Variants in USH2A observed in about 807,000 individuals in gnomAD.
USH2A encodes the protein Usher syndrome 2A (autosomal recessive, mild).
Under a neutral mutation model 538.9 loss-of-function variants are expected in USH2A, and 443 were observed. The ratio of observed to expected loss-of-function variants is 0.82; its 90% CI spans 0.76 to 0.89. USH2A has a LOEUF of 0.89. Ranked by LOEUF, USH2A falls within the 40% of genes least tolerant of loss-of-function variation. USH2A has a pLI of 0.00. For synonymous variants in USH2A, 2,413 were observed against 2,273.5 expected (o/e 1.06, Z -1.75); for missense variants, 6,633 against 6,324.8 (o/e 1.05, Z -1.65).
At chr1:216,029,005 A>G (rs1049820209) in intron 32 of USH2A, among the ~76,000 whole-genome samples, 8 of 152,124 alleles carry the variant, frequency 5.3e-5, no homozygotes, top group African/African-American at 1.9e-4. Context: ...ATTGTGGACA[A>G]TTTGAATTTT....
chr1:216,073,705 C>CA (rs746425434), intron 27 of USH2A, among the ~76,000 whole-genome samples: 6 of 152,142 alleles, frequency 3.9e-5, no homozygotes, highest in South Asian at 4.2e-4. Context: ...TTTTAAGTGC[C>CA]AAAAAATAAT....
intron 46 of USH2A, among the ~76,000 whole-genome samples, chr1:215,838,650 A>C (rs972785621): frequency 4.6e-5 from 7 of 152,208 alleles, no homozygotes; most frequent in Non-Finnish European, 7.3e-5. Flanking sequence ...CACAGCAGAA[A>C]ATCATCATTC....
chr1:215,761,702 T>G (rs1660986545), intron 56 of USH2A, among the ~76,000 whole-genome samples: 1 of 152,152 alleles, frequency 6.6e-6, no homozygotes, highest in African/African-American at 2.4e-5. Flanking sequence ...AAAAATAAAA[T>G]ATACACACAA....
At position 216,151,553 on chromosome 1, in the gene USH2A, C is replaced by A. The variant is rs2033832939; in HGVS notation, c.4627+23699G>T. On this transcript the variant is annotated intron_variant, in intron 21 of 71. Transcript: ENST00000307340. The stretch of plus-strand genomic sequence containing the variant: ...GCAGGCATTTCAACGTCTGTCATGA[C>A]CTTCTGTAGCCTGTCTAATGACTTC... Among the ~76,000 whole-genome samples, 4 of 152,274 alleles carry A rather than the reference C, an allele frequency of 2.6e-5. No individual in the cohort carries two copies. In the South Asian group the frequency reaches 8.3e-4, roughly 32 times the overall value.
At chr1:215,740,288 G>A (rs1192986751) in intron 60 of USH2A, among the ~76,000 whole-genome samples, 3 of 151,622 alleles carry the variant, frequency 2.0e-5, no homozygotes, top group Non-Finnish European at 4.4e-5. Flanking sequence ...TGTTGATCTG[G>A]TGAAGACTAG....
chr1:216,105,014 C>G (rs993489834), intron 21 of USH2A, among the ~76,000 whole-genome samples: 5 of 152,264 alleles, frequency 3.3e-5, no homozygotes, highest in Admixed American at 1.3e-4. Flanking sequence ...TGAACACATA[C>G]TTCTCAAAAG....
intron 15 of USH2A, among the ~76,000 whole-genome samples, chr1:216,210,414 C>T (rs1432814608): frequency 6.6e-6 from 1 of 151,992 alleles, no homozygotes; most frequent in Non-Finnish European, 1.5e-5. Flanking sequence ...TAATATGACC[C>T]TGTGATCAAT....
Position 216,390,874 on chromosome 1 carries a change from G to T in USH2A, c.652-25789C>A, listed in dbSNP as rs138619783. 5.0e-3 allele frequency among the ~76,000 whole-genome samples: 761 copies of T among 152,204 alleles called. 9 individuals are homozygous for T. The highest frequency in any genetic ancestry group is 0.017 in the African/African-American group (721 of 41,536). ...TTAATCATTACTCGTCAGATTTATTGAAATTAAAACTGGAGGGGTGCAAGT... is the reference window on the plus strand; with the variant it reads ...TTAATCATTACTCGTCAGATTTATTTAAATTAAAACTGGAGGGGTGCAAGT... On this transcript the variant is annotated intron_variant, in intron 3 of 71. Transcript: ENST00000307340.
intron 24 of USH2A, among the ~76,000 whole-genome samples, chr1:216,085,986 T>C (rs747152071): frequency 1.3e-5 from 2 of 152,148 alleles, no homozygotes; most frequent in Non-Finnish European, 1.5e-5. Context: ...TATGTAGTTA[T>C]ATTTTAACTT....
chr1:216,224,973 C>T (rs912232220), intron 14 of USH2A, among the ~76,000 whole-genome samples: 2 of 151,932 alleles, frequency 1.3e-5, no homozygotes, highest in African/African-American at 4.8e-5. Flanking sequence ...TTTGTAATAA[C>T]CTACCACAGT....
At chr1:215,629,180 A>G (rs1356678836) in intron 70 of USH2A, 145 bp from the exon 71 acceptor site, 1 of 900,184 alleles carries the variant, frequency 1.1e-6, no homozygotes, top group African/African-American at 1.6e-5. Flanking sequence ...AACAACTGTC[A>G]CCTACAGAAT....
chr1:215,728,478 T>A, intron 60 of USH2A, 94 bp from the exon 61 acceptor site: 1 of 1,255,840 alleles, frequency 8.0e-7, no homozygotes, highest in Non-Finnish European at 1.1e-6. Context: ...GAATTTGTTA[T>A]CAACTTAACT....
chr1:216,393,868 A>T (rs1417191493), intron 3 of USH2A, among the ~76,000 whole-genome samples: 1 of 152,222 alleles, frequency 6.6e-6, no homozygotes, highest in Non-Finnish European at 1.5e-5. Context: ...ACAAGCTACA[A>T]ATCAGGAAAA....
At chr1:216,422,687 A>C (rs1317459561) in intron 1 of USH2A, 147 bp from the exon 2 acceptor site, 2 of 251,886 alleles carry the variant, frequency 7.9e-6, no homozygotes, top group Non-Finnish European at 1.6e-5. Flanking sequence ...TCAGAGTAAA[A>C]TACTCATCCT....
chr1:216,182,550 G>A (rs1425897560), intron 20 of USH2A, among the ~76,000 whole-genome samples: 1 of 151,974 alleles, frequency 6.6e-6, no homozygotes, highest in African/African-American at 2.4e-5. Context: ...TGAGTAAAAA[G>A]CAGTTAATTT....
intron 14 of USH2A, among the ~76,000 whole-genome samples, chr1:216,227,572 A>T (rs981932402): frequency 3.9e-5 from 6 of 152,204 alleles, no homozygotes; most frequent in Admixed American, 3.9e-4. Flanking sequence ...ACAGGAAGGG[A>T]TCATATCAAG....
In USH2A at chr1:215,877,323, T is replaced by G. The variant is rs114645878; in HGVS notation, c.8681+435A>C. ...CAAGTCCCAATCCTGTTCACTAATG[T>G]TTTCTTTTGCGGACTGAATCAATAA... is the stretch of plus-strand genomic sequence containing the variant. On this transcript the variant is annotated intron_variant, in intron 43 of 71. Coordinates refer to ENST00000307340, the MANE Select transcript of USH2A (RefSeq NM_206933.4). Among the ~76,000 whole-genome samples the G allele has an allele frequency of 7.5e-3, 1,147 of 152,328 alleles. 6 individuals carry two copies. Among genetic ancestry groups the G allele is most frequent in the Non-Finnish European group, 0.011 (754 of 68,036 alleles).
chr1:215,844,653 G>A lies in USH2A; in HGVS notation c.9056-157C>T, dbSNP rs76390049. ...ACAGTCTGTAGTCCTCTGTAAATTGGCTTATTATACTCTCAGTTAGAAACC... is the reference window on the plus strand; with the variant it reads ...ACAGTCTGTAGTCCTCTGTAAATTGACTTATTATACTCTCAGTTAGAAACC... On this transcript the variant is annotated intron_variant, in intron 45 of 71. Coordinates refer to ENST00000307340, the MANE Select transcript of USH2A (RefSeq NM_206933.4). Among the ~76,000 whole-genome samples the A allele has an allele frequency of 8.8e-3, 1,336 of 152,256 alleles. 64 individuals carry two copies. The East Asian group carries it at 0.13, about 15-fold the overall frequency.
chr1:216,066,302 C>T (rs1243479840), intron 30 of USH2A, among the ~76,000 whole-genome samples: 2 of 151,992 alleles, frequency 1.3e-5, no homozygotes, highest in Non-Finnish European at 2.9e-5. Flanking sequence ...AACCCTGTCT[C>T]CACTAAAAAT....
Sources: gnomAD v4.1 joint callset for allele counts (sites outside exome capture counted in the v4.1 genomes callset) on GRCh38, gnomAD v4.1.1 for gene constraint, MANE v1.5 for transcripts, NCBI Gene and HGNC (gene_info 2026-07-23, HGNC 2026-07-21) for gene names.